Variants in PRKCH observed in about 807,000 individuals in gnomAD.
PRKCH encodes the protein protein kinase C eta type.
In PRKCH, 28 loss-of-function variants were observed where a neutral mutation model predicts 82.5. That is an observed-to-expected ratio of 0.34 (90% CI 0.25 to 0.47). The LOEUF is 0.47. PRKCH is among the 20% of genes least tolerant of loss of function. The probability of loss-of-function intolerance (pLI) is 1.00; values close to 1 mark genes in which losing one functional copy is unlikely to be tolerated. For synonymous variants in PRKCH, 322 were observed against 327.4 expected (o/e 0.98, Z 0.18); for missense variants, 705 against 881.8 (o/e 0.80, Z 2.54).
At chr14:61,530,773 G>A (rs1052716416) in intron 12 of PRKCH, among the ~76,000 whole-genome samples, 178 bp downstream of exon 12, 1 of 152,120 alleles carries the variant, frequency 6.6e-6, no homozygotes, top group East Asian at 1.9e-4. Context: ...CCTCTCTTAT[G>A]CAATAGACCC....
chr14:61,273,361 T>C (rs1210629759), intron 1 of PRKCH, among the ~76,000 whole-genome samples: 1 of 152,228 alleles, frequency 6.6e-6, no homozygotes, highest in Non-Finnish European at 1.5e-5. Context: ...TTTTCTTTCC[T>C]TCCTGGATAC....
At chr14:61,272,855 T>C (rs183139280) in intron 1 of PRKCH, among the ~76,000 whole-genome samples, 1 of 152,296 alleles carries the variant, frequency 6.6e-6, no homozygotes, top group Admixed American at 6.5e-5. Context: ...GAGGAGAAAG[T>C]GTTCCTTACT....
intron 10 of PRKCH, among the ~76,000 whole-genome samples, chr14:61,503,997 A>G (rs973911863): frequency 9.9e-5 from 15 of 152,280 alleles, no homozygotes; most frequent in Admixed American, 8.5e-4. Context: ...TCAAGATAAG[A>G]AGGGTTCAAT....
At chr14:61,296,694 C>T (rs1239552692) in intron 1 of PRKCH, among the ~76,000 whole-genome samples, 2 of 152,162 alleles carry the variant, frequency 1.3e-5, no homozygotes, top group Non-Finnish European at 2.9e-5. Flanking sequence ...TATCTATCCC[C>T]CTAATCTTAC....
chr14:61,344,143 A>G (rs1188924745), intron 1 of PRKCH: 4 of 152,196 alleles, frequency 2.6e-5, no homozygotes, highest in Non-Finnish European at 5.9e-5. Context: ...TGATGAGTCC[A>G]ATGATCTCTG....
intron 12 of PRKCH, among the ~76,000 whole-genome samples, chr14:61,536,459 G>T (rs1339229918): frequency 6.6e-6 from 1 of 152,134 alleles, no homozygotes; most frequent in Non-Finnish European, 1.5e-5. Flanking sequence ...GAAGAGCTGA[G>T]ATCTCCAAGC....
intron 1 of PRKCH, among the ~76,000 whole-genome samples, chr14:61,389,114 G>A (rs1389694921): frequency 1.3e-5 from 2 of 152,188 alleles, no homozygotes; most frequent in Admixed American, 6.5e-5. Context: ...GGTGGCTCTC[G>A]CCTGTAATCC....
intron 1 of PRKCH, among the ~76,000 whole-genome samples, chr14:61,236,230 C>T (rs188857697): frequency 2.0e-5 from 3 of 151,568 alleles, no homozygotes; most frequent in Admixed American, 6.6e-5. Context: ...ATTAGCTGGG[C>T]GTAGCAGTGT....
At chr14:61,534,611 A>G (rs2043083544) in intron 12 of PRKCH, among the ~76,000 whole-genome samples, 1 of 152,162 alleles carries the variant, frequency 6.6e-6, no homozygotes. Flanking sequence ...TTTGCCCTTA[A>G]TTTTATAGAG....
chr14:61,525,926 TG>T (rs1283845480), intron 10 of PRKCH: 1 of 152,398 alleles, frequency 6.6e-6, no homozygotes, highest in Non-Finnish European at 1.5e-5. Context: ...CTCCTGGGGC[TG>T]CAGACTAGTG....
intron 1 of PRKCH, among the ~76,000 whole-genome samples, chr14:61,382,522 T>C (rs986112253): frequency 2.0e-5 from 3 of 152,164 alleles, no homozygotes; most frequent in African/African-American, 7.2e-5. Context: ...CCTGTTGGAA[T>C]TTTTTTTCTT....
chr14:61,484,807 C>T (rs1339564285), intron 9 of PRKCH, among the ~76,000 whole-genome samples: 1 of 141,880 alleles, frequency 7.0e-6, no homozygotes, highest in African/African-American at 2.7e-5. Context: ...TTACTCCTGT[C>T]GCTCAGGTGG....
At chr14:61,433,217 A>T (rs183248167) in intron 2 of PRKCH, among the ~76,000 whole-genome samples, 646 of 152,348 alleles carry the variant, frequency 4.2e-3, no homozygotes, top group Non-Finnish European at 6.5e-3. Context: ...TGAAGAAGGC[A>T]GCAGAGCTTT....
intron 1 of PRKCH, chr14:61,281,684 G>A (rs2045269334): frequency 6.0e-6 from 1 of 167,076 alleles, no homozygotes; most frequent in Admixed American, 6.5e-5. Context: ...TGGTCCTGGA[G>A]GCTTGAAGAT....
At chr14:61,359,192 A>C (rs1450035107) in intron 1 of PRKCH, among the ~76,000 whole-genome samples, 1 of 152,130 alleles carries the variant, frequency 6.6e-6, no homozygotes, top group Admixed American at 6.5e-5. Flanking sequence ...AGACCTCTGG[A>C]TGACCCTGGT....
At chr14:61,383,854 G>T (rs2046548028) in intron 1 of PRKCH, among the ~76,000 whole-genome samples, 1 of 152,132 alleles carries the variant, frequency 6.6e-6, no homozygotes, top group Admixed American at 6.5e-5. Flanking sequence ...ACTTTCTAAA[G>T]TGACAATGGA....
intron 1 of PRKCH, among the ~76,000 whole-genome samples, chr14:61,218,317 A>C (rs2044629296): frequency 6.6e-6 from 1 of 152,058 alleles, no homozygotes; most frequent in South Asian, 2.1e-4. Flanking sequence ...TACCCTCTTC[A>C]ACACTGTGCC....
At position 61,450,942 on chromosome 14, in the gene PRKCH, G is replaced by A; in HGVS notation, c.803G>A (p.Gly268Glu). Residue 268 changes from glycine (G) to glutamate (E), a missense_variant, in exon 6 of 14, where the codon GGA (glycine) becomes GAA (glutamate). Gly to Glu is a moderately conservative substitution (Grantham distance 98). Around this residue, in one of 5 missense-constraint regions of PRKCH, gnomAD observed 15 missense variants for 40.7 expected, o/e 0.37. Transcript: ENST00000332981. ...FCDHCGSLLW[G>E]IMRQGLQCKI... ...GATCACTGTGGCTCACTGCTCTGGG[G>A]AATAATGCGACAAGGACTTCAGTGT... is the stretch of plus-strand genomic sequence containing the variant. 5.0e-6 allele frequency: 8 copies of A among 1,614,058 alleles called. No homozygotes were observed. The highest frequency in any genetic ancestry group is 6.8e-6 in the Non-Finnish European group (8 of 1,179,948).
At chr14:61,213,201 G>A (rs1476258749) in intron 1 of PRKCH, among the ~76,000 whole-genome samples, 1 of 152,158 alleles carries the variant, frequency 6.6e-6, no homozygotes, top group Non-Finnish European at 1.5e-5. Context: ...CTGCCCTTCT[G>A]AAACTCCCGC....
Sources: allele counts gnomAD v4.1 joint callset (sites outside exome capture counted in the v4.1 genomes callset), GRCh38; gene constraint gnomAD v4.1.1; regional missense constraint gnomAD v4.1.1; transcripts MANE v1.5; gene names NCBI Gene and HGNC (gene_info 2026-07-23, HGNC 2026-07-21).